The following SUN1 variants were observed in gnomAD, a reference collection of about 807,000 sequenced individuals.
SUN1 encodes Sad1 and UNC84 domain containing 1, also known as SUN domain-containing protein 1.
SUN1 carries 61 observed loss-of-function variants against 103.2 expected under a neutral mutation model. The ratio of observed to expected loss-of-function variants is 0.59; its 90% confidence interval spans 0.48 to 0.73. The LOEUF is 0.73. SUN1 is among the 30% of genes least tolerant of loss of function. SUN1 has a pLI of 0.00. For synonymous variants in SUN1, 490 were observed against 425.7 expected (o/e 1.15, Z -1.86); for missense variants, 1,052 against 1,034.6 (o/e 1.02, Z -0.23).
intron 18 of SUN1, 37 bp downstream of exon 18, chr7:872,599 G>A (rs1406815263): frequency 6.6e-7 from 1 of 1,517,582 alleles, no homozygotes; most frequent in African/African-American, 1.4e-5. Context: ...GGGTCTCTGA[G>A]TCCCACAACT....
rs543249115 is a variant in SUN1, at chr7:857,915, C to T, written c.1482C>T (p.His494=). ...QLKSELSSWR[H]VKTGCETVDA... Reference sequence around the variant, plus strand: ...AGTCAGAGCTGTCCAGCTGGCGACACGTGAAGACCGGCTGTGAGACAGTGG... The same window carrying T: ...AGTCAGAGCTGTCCAGCTGGCGACATGTGAAGACCGGCTGTGAGACAGTGG... The change falls in exon 13 of 19, where the codon CAC becomes CAT. Residue 494 remains histidine (H), a synonymous_variant. Transcript: ENST00000401592. 3.7e-6 allele frequency: 6 copies of T among 1,600,962 alleles called. No homozygotes were observed. The highest frequency in any genetic ancestry group is 1.1e-5 in the South Asian group (1 of 90,534).
chr7:838,783 G>C lies in SUN1; in HGVS notation c.78-15G>C, dbSNP rs1806085115. 4.6e-6 allele frequency: 7 copies of C among 1,531,578 alleles called. No individual in the cohort carries two copies. Among genetic ancestry groups the C allele is most frequent in the Non-Finnish European group, 6.2e-6 (7 of 1,134,708 alleles). The allele number at this position is 1,531,578 out of a possible 1,614,324, so 94.9% of individuals were successfully genotyped here. On this transcript the variant is annotated splice_polypyrimidine_tract_variant and intron_variant, in intron 1 of 18. Transcript: ENST00000401592. ...TATAAGCACTGCTTACCTCTGATGA[G>C]CTTTTTCCTTCTAGTTCCAGCTATT...
Position 860,314 on chromosome 7 carries a change from C to A in SUN1, c.1711C>A (p.Gln571Lys). 6.2e-7 allele frequency: 1 copy of A among 1,614,260 alleles called. No homozygotes were observed. The highest frequency in any genetic ancestry group is 1.1e-5 in the South Asian group (1 of 91,088). Residue 571 changes from glutamine to lysine, a missense_variant, in exon 14 of 19, where the codon CAG (glutamine) becomes AAG (lysine). Physicochemically the swap from Gln to Lys is moderately conservative, Grantham distance 53. Around this residue, in one of 2 missense-constraint regions of SUN1, gnomAD observed 846 missense variants for 774.5 expected, o/e 1.09. Transcript: ENST00000401592. ...NVTHHVSVTKQLPTSEAVVSA... is the reference protein window; with the variant it reads ...NVTHHVSVTKKLPTSEAVVSA... ...CACCCACCACGTTTCCGTGACCAAG[C>A]AGCTCCCAACCTCAGAAGCCGTGGT...
upstream of SUN1, among the ~76,000 whole-genome samples, chr7:829,300 C>T (rs1422809829): frequency 4.6e-5 from 7 of 152,172 alleles, no homozygotes; most frequent in Admixed American, 4.6e-4. Context: ...TTTTAATTAG[C>T]AGCGATGTAA....
chr7:857,188 G>A (rs1237369336), intron 12 of SUN1, among the ~76,000 whole-genome samples: 1 of 152,192 alleles, frequency 6.6e-6, no homozygotes, highest in Non-Finnish European at 1.5e-5. Flanking sequence ...TGGCTTGGTT[G>A]TGGTTTCCCG....
intron 17 of SUN1, among the ~76,000 whole-genome samples, chr7:871,801 G>C (rs1249116036): frequency 6.6e-6 from 1 of 152,222 alleles, no homozygotes; most frequent in Non-Finnish European, 1.5e-5. Context: ...TTTCAAAATA[G>C]ATATGCAAAT....
intron 5 of SUN1, among the ~76,000 whole-genome samples, chr7:844,417 C>T (rs1199039881): frequency 4.6e-5 from 7 of 152,198 alleles, no homozygotes; most frequent in African/African-American, 7.2e-5. Flanking sequence ...CCTGGCATTG[C>T]CCGGGACGTG....
At position 874,200 on chromosome 7, in the gene SUN1, CGTCTGGTGT is replaced by C. The variant is rs1410897689; in HGVS notation, c.*873_*881del. On this transcript the variant is annotated 3_prime_UTR_variant, in exon 19 of 19. Coordinates refer to ENST00000401592, the MANE Select transcript of SUN1 (RefSeq NM_001130965.3). ...TCTCACTGGTGGTGATAAGAGGAGC[CGTCTGGTGT>C]GTCAGGGTCACGAACCCGTTACATT... 6 of 152,428 alleles carry C rather than the reference CGTCTGGTGT, an allele frequency of 3.9e-5. No homozygotes were observed. The highest frequency in any genetic ancestry group is 1.4e-4 in the African/African-American group (6 of 41,422). The allele number at this position is 152,428 out of a possible 1,614,324, so 9.4% of individuals were successfully genotyped here. A position where few individuals can be genotyped will look rare whatever the true frequency, so the allele number is the denominator to read the frequency against.
In SUN1 at chr7:838,984, C is replaced by G; in HGVS notation, c.264C>G (p.Ala88=). The G allele has an allele frequency of 1.3e-6, 2 of 1,570,474 alleles. No individual in the cohort carries two copies. Among genetic ancestry groups the G allele is most frequent in the Non-Finnish European group, 1.7e-6 (2 of 1,159,518 alleles). Residue 88 remains alanine (A), a splice_region_variant and synonymous_variant, in exon 2 of 19, where the codon GCC becomes GCG. Coordinates refer to ENST00000401592, the MANE Select transcript of SUN1 (RefSeq NM_001130965.3). ...CTGTCTCCCTGAAGAACCGAGCGGC[C>G]AGGTGAGCACCGCTGCACTTCCTCT... ...SSAVSLKNRA[A]RTTKQRRSTN... is the part of the protein sequence containing the mutation.
intron 17 of SUN1, among the ~76,000 whole-genome samples, chr7:870,147 G>A (rs1231308710): frequency 2.0e-5 from 3 of 149,938 alleles, no homozygotes; most frequent in Non-Finnish European, 2.9e-5. Context: ...GGAGGTTGCC[G>A]TGAGCTGAGA....
In SUN1 at chr7:843,471, G is replaced by A. The variant is rs776079116; in HGVS notation, c.609G>A (p.Ala203=). The part of the protein sequence containing the change: ...ERKDVLTAHP[A]APGPVSRVYS... ...AGGACGTGCTCACGGCGCACCCCGC[G>A]GCCCCCGGGCCCGTGTCGAGAGTTT... is the stretch of plus-strand genomic sequence containing the variant. The change falls in exon 5 of 19, where the codon GCG becomes GCA. Residue 203 remains alanine, a synonymous_variant. Transcript: ENST00000401592. 1.1e-5 allele frequency: 18 copies of A among 1,613,950 alleles called. No individual in the cohort carries two copies. Among genetic ancestry groups the A allele is most frequent in the African/African-American group, 8.0e-5 (6 of 74,942 alleles).
At chr7:816,945 C>G (rs1372289459) in intron 1 of SUN1, 1 of 152,514 alleles carries the variant, frequency 6.6e-6, no homozygotes, top group Non-Finnish European at 1.5e-5. Context: ...CCAGCCGGCT[C>G]GTGGCGCGGG....
intron 5 of SUN1, chr7:850,875 T>A (rs1821414723): frequency 6.6e-6 from 1 of 152,316 alleles, no homozygotes; most frequent in Non-Finnish European, 1.5e-5. Flanking sequence ...GCACATTCCG[T>A]CATCCGGCAG....
At chr7:873,041 C>T (rs533885274) in intron 18 of SUN1, among the ~76,000 whole-genome samples, 174 bp from the exon 19 acceptor site, 99 of 152,324 alleles carry the variant, frequency 6.5e-4, no homozygotes, top group African/African-American at 8.2e-4. Flanking sequence ...GAGCTGAGAT[C>T]GTGCCATTGT....
intron 1 of SUN1, among the ~76,000 whole-genome samples, chr7:822,132 AAGTGTC>A (rs1470216329): frequency 2.0e-5 from 3 of 152,242 alleles, no homozygotes; most frequent in Admixed American, 1.3e-4. Flanking sequence ...ATAAACTAGG[AAGTGTC>A]AGATGAAAAT....
rs369326753 is a variant in SUN1 at position 843,443 on chromosome 7, G to A, written c.581G>A (p.Arg194His). Residue 194 changes from arginine to histidine, a missense_variant, in exon 5 of 19, where the codon CGC (arginine) becomes CAC (histidine). Transcript: ENST00000401592. The part of the protein sequence containing the change: ...SCSNCSMLSE[R>H]KDVLTAHPAA... ...AGCAACTGCAGCATGCTGTCCGAGC[G>A]CAAGGACGTGCTCACGGCGCACCCC... The A allele has an allele frequency of 1.1e-4, 177 of 1,614,042 alleles. No homozygotes were observed. Among genetic ancestry groups the A allele is most frequent in the African/African-American group, 1.5e-4 (11 of 74,940 alleles).
chr7:817,212 C>G, intron 1 of SUN1: 2 of 575,558 alleles, frequency 3.5e-6, no homozygotes, highest in South Asian at 2.0e-5. Flanking sequence ...CTCCCGCCTC[C>G]GCCTCCCGAA....
intron 1 of SUN1, among the ~76,000 whole-genome samples, chr7:837,409 G>A (rs1482795420): frequency 6.6e-6 from 1 of 152,154 alleles, no homozygotes; most frequent in Admixed American, 6.5e-5. Context: ...AGGGATGCTT[G>A]GTATCTGTCT....
At chr7:834,604 CT>C (rs960219561) in intron 1 of SUN1, among the ~76,000 whole-genome samples, 3 of 152,202 alleles carry the variant, frequency 2.0e-5, no homozygotes, top group African/African-American at 7.2e-5. Flanking sequence ...GCCCTGACCT[CT>C]TTTCTGAAAG....
Sources: gnomAD v4.1 joint callset for allele counts (sites outside exome capture counted in the v4.1 genomes callset) on GRCh38, gnomAD v4.1.1 for gene constraint, gnomAD v4.1.1 regional missense constraint, MANE v1.5 for transcripts, NCBI Gene and HGNC (gene_info 2026-07-23, HGNC 2026-07-21) for gene names.